The following SLC60A1 variants were observed in gnomAD, a reference collection of about 807,000 sequenced individuals.
SLC60A1 encodes major facilitator superfamily domain containing 4.
At chr1:205,577,739 A>G in the SLC60A1 span, among the ~76,000 whole-genome samples, 1 of 152,084 alleles carries the variant, frequency 6.6e-6, no homozygotes, top group African/African-American at 2.4e-5. The surrounding 1 kb of genome is among the most constrained non-coding windows in gnomAD (Gnocchi z 5.2). Flanking sequence ...ACATGCACCC[A>G]CATGTGCACG....
the SLC60A1 span, among the ~76,000 whole-genome samples, chr1:205,582,243 G>C: frequency 6.6e-6 from 1 of 152,244 alleles, no homozygotes; most frequent in Non-Finnish European, 1.5e-5. Context: ...AAGCCGGAAG[G>C]TCCGGCTTAA....
the SLC60A1 span, among the ~76,000 whole-genome samples, chr1:205,591,647 G>A: frequency 6.6e-6 from 1 of 152,120 alleles, no homozygotes; most frequent in Non-Finnish European, 1.5e-5. Context: ...CAGAGGATGG[G>A]ACCCTGCTGC....
the SLC60A1 span, among the ~76,000 whole-genome samples, chr1:205,585,630 C>T: frequency 2.0e-5 from 3 of 151,740 alleles, no homozygotes; most frequent in South Asian, 2.1e-4. The surrounding 1 kb of genome is among the most constrained non-coding windows in gnomAD (Gnocchi z 4.2). Context: ...GGTGTGACCT[C>T]GGGCAAGTCA....
At chr1:205,573,291 G>A in the SLC60A1 span, among the ~76,000 whole-genome samples, 2 of 151,928 alleles carry the variant, frequency 1.3e-5, no homozygotes, top group African/African-American at 4.8e-5. Flanking sequence ...ACAGTGGTAC[G>A]TGCCTGTAAT....
At chr1:205,585,986 G>T in the SLC60A1 span, 3 of 1,522,398 alleles carry the variant, frequency 2.0e-6, no homozygotes, top group Non-Finnish European at 2.6e-6. The surrounding 1 kb of genome is among the most constrained non-coding windows in gnomAD (Gnocchi z 4.2). Context: ...GAGGGTCATT[G>T]TCTGGCTGGG....
chr1:205,592,597 A>G, the SLC60A1 span, among the ~76,000 whole-genome samples: 2 of 150,474 alleles, frequency 1.3e-5, no homozygotes, highest in South Asian at 4.2e-4. Context: ...GGCCAGCACC[A>G]TCTCCCAGCG....
the SLC60A1 span, chr1:205,597,878 G>T: frequency 6.2e-7 from 1 of 1,610,102 alleles, no homozygotes; most frequent in Non-Finnish European, 8.5e-7. Context: ...AGGGAGAGGG[G>T]AGCATTTGGG....
the SLC60A1 span, among the ~76,000 whole-genome samples, chr1:205,569,572 C>A: frequency 6.6e-6 from 1 of 151,374 alleles, no homozygotes; most frequent in Non-Finnish European, 1.5e-5. Context: ...TCACTCATCC[C>A]TGTGAGAGGA....
the SLC60A1 span, among the ~76,000 whole-genome samples, chr1:205,589,351 G>T: frequency 1.3e-5 from 2 of 152,152 alleles, no homozygotes; most frequent in East Asian, 3.9e-4. Context: ...CAGGGTGGGG[G>T]ATCGGGAGCA....
At chr1:205,596,544 CAAAAAAAAAAAAAAAAAAAA>C in the SLC60A1 span, among the ~76,000 whole-genome samples, 8 of 49,110 alleles carry the variant, frequency 1.6e-4, no homozygotes, top group Admixed American at 3.8e-4. Context: ...GACTCTGTCT[CAAAAAAAAAAAAAAAAAAAA>C]AAAAAAAAAA....
chr1:205,600,184 C>T, the SLC60A1 span: 1 of 497,740 alleles, frequency 2.0e-6, no homozygotes, highest in Non-Finnish European at 3.6e-6. Flanking sequence ...GCTCCTTATT[C>T]ATGGGAGACA....
chr1:205,597,759 C>T, the SLC60A1 span: 1 of 1,613,374 alleles, frequency 6.2e-7, no homozygotes, highest in Non-Finnish European at 8.5e-7. Context: ...TTTACCAAAC[C>T]AAACCTTCTC....
At chr1:205,599,019 G>A in the SLC60A1 span, 11 of 1,364,030 alleles carry the variant, frequency 8.1e-6, no homozygotes, top group South Asian at 2.7e-5. Flanking sequence ...TTGGTGTGAC[G>A]GGCCTCAACT....
the SLC60A1 span, chr1:205,583,965 C>T: frequency 6.2e-7 from 1 of 1,613,394 alleles, no homozygotes; most frequent in Non-Finnish European, 8.5e-7. Context: ...CTTCCAGTGC[C>T]CATGGCTGTG....
the SLC60A1 span, among the ~76,000 whole-genome samples, chr1:205,596,193 G>T: frequency 6.6e-6 from 1 of 152,198 alleles, no homozygotes; most frequent in Non-Finnish European, 1.5e-5. Flanking sequence ...ACAGGCACTG[G>T]TTTTTGCCAG....
the SLC60A1 span, chr1:205,592,054 C>G: frequency 2.4e-5 from 37 of 1,558,708 alleles, no homozygotes; most frequent in Non-Finnish European, 2.8e-5. Context: ...AAACGCCAAG[C>G]CAGGAGACGC....
chr1:205,590,812 C>T, the SLC60A1 span, among the ~76,000 whole-genome samples: 2 of 152,174 alleles, frequency 1.3e-5, no homozygotes, highest in African/African-American at 4.8e-5. Flanking sequence ...AGATCCTTAT[C>T]TCCTGAGACG....
the SLC60A1 span, among the ~76,000 whole-genome samples, chr1:205,593,372 G>A: frequency 8.2e-6 from 1 of 121,594 alleles, no homozygotes; most frequent in East Asian, 2.6e-4. Flanking sequence ...TCGGGAGGCT[G>A]AGGCAGGAGA....
chr1:205,588,396 G>A, the SLC60A1 span, among the ~76,000 whole-genome samples: 1 of 144,812 alleles, frequency 6.9e-6, no homozygotes, highest in Non-Finnish European at 1.5e-5. Context: ...CTTGAACCTA[G>A]CAGGCAGAGG....
Sources: gnomAD v4.1 joint callset for allele counts (sites outside exome capture counted in the v4.1 genomes callset) on GRCh38, gnomAD v4.1.1 for gene constraint, Gnocchi (gnomAD v3.1) non-coding constraint, MANE v1.5 for transcripts, NCBI Gene and HGNC (gene_info 2026-07-23, HGNC 2026-07-21) for gene names.